BCAR1: variants seen among roughly 807,000 people sequenced by gnomAD.
BCAR1 encodes BCAR1 scaffold protein, Cas family member.
BCAR1 carries 30 observed loss-of-function variants against 67.6 expected under a neutral mutation model. The ratio of observed to expected loss-of-function variants is 0.44; its 90% CI spans 0.33 to 0.60. The LOEUF is 0.60. BCAR1 is among the 20% of genes least tolerant of loss of function. BCAR1 has a pLI of 0.02. For missense variants in BCAR1, 1,313 were observed against 1,222.3 expected (o/e 1.07, Z -1.11); for synonymous variants, 626 against 556.7 (o/e 1.12, Z -1.75).
At chr16:75,250,796 C>G (rs2077657471) in intron 1 of BCAR1, 1 of 985,566 alleles carries the variant, frequency 1.0e-6, no homozygotes, top group Non-Finnish European at 1.2e-6. Context: ...CCCTGGCCCC[C>G]TCCCGCGACA....
chr16:75,230,173 G>A lies in BCAR1; in HGVS notation c.2101-150C>T, dbSNP rs868829843. On this transcript the variant is annotated intron_variant, in intron 6 of 6. Transcript: ENST00000162330. Reference sequence around the variant, plus strand: ...AGGGAAACGGGCAGTCTCCTCTCCCGGGGACGGGACCAGGAACCATGGCAA... The same window carrying A: ...AGGGAAACGGGCAGTCTCCTCTCCCAGGGACGGGACCAGGAACCATGGCAA... 93 of 984,222 alleles carry A rather than the reference G, an allele frequency of 9.4e-5. No homozygotes were observed. In the Middle Eastern group the frequency reaches 2.9e-3, roughly 30 times the overall value. 61.0% of individuals were successfully genotyped at this position (984,222 alleles called of 1,614,324 possible). A position where few individuals can be genotyped will look rare whatever the true frequency, so the allele number is the denominator to read the frequency against.
At position 75,229,489 on chromosome 16, in the gene BCAR1, C is replaced by A; in HGVS notation, c.*22G>T. ...TGGGACCGCCGCACCCCTCCCCTGC[C>A]TCCCTCCTGGGGTCACCACCCTCAG... On this transcript the variant is annotated 3_prime_UTR_variant, in exon 7 of 7. Transcript: ENST00000162330. 6.6e-7 allele frequency: 1 copy of A among 1,517,190 alleles called. No individual in the cohort carries two copies. 94.0% of individuals were successfully genotyped at this position (1,517,190 alleles called of 1,614,324 possible). A position where few individuals can be genotyped will look rare whatever the true frequency, so the allele number is the denominator to read the frequency against.
At position 75,237,343 on chromosome 16, in the gene BCAR1, A is replaced by T; in HGVS notation, c.635T>A (p.Val212Glu). 1 of 1,458,084 alleles carries T rather than the reference A, an allele frequency of 6.9e-7. No homozygotes were observed. The highest frequency in any genetic ancestry group is 9.0e-7 in the Non-Finnish European group (1 of 1,106,422). The allele number at this position is 1,458,084 out of a possible 1,614,324, so 90.3% of individuals were successfully genotyped here. A position where few individuals can be genotyped will look rare whatever the true frequency, so the allele number is the denominator to read the frequency against. The change falls in exon 3 of 7, where the codon GTG becomes GAG. Residue 212 changes from valine (V) to glutamate (E), a missense_variant and splice_region_variant. Physicochemically the swap from Val to Glu is moderately radical, Grantham distance 121. Coordinates refer to ENST00000162330, the MANE Select transcript of BCAR1 (RefSeq NM_014567.5). The stretch of plus-strand genomic sequence containing the variant: ...CTGCCCCACGCGGGTGGGCACCACC[A>T]CCTGGGGGCAGAGAGCCGACTTCAC... ...SWEGTKPPAKVVVPTRVGQGY... is the reference protein window; with the variant it reads ...SWEGTKPPAKEVVPTRVGQGY...
chr16:75,238,363 T>G (rs931328169), intron 2 of BCAR1: 5 of 1,100,982 alleles, frequency 4.5e-6, no homozygotes, highest in Non-Finnish European at 1.1e-6. Context: ...CTTTTGTTCC[T>G]TCATCAAAGG....
chr16:75,259,955 A>C (rs1465671482), intron 1 of BCAR1, among the ~76,000 whole-genome samples: 1 of 151,570 alleles, frequency 6.6e-6, no homozygotes, highest in Non-Finnish European at 1.5e-5. Context: ...GCACTTTGGG[A>C]GGCCAAGGCG....
intron 1 of BCAR1, among the ~76,000 whole-genome samples, chr16:75,257,859 G>A (rs1277442721): frequency 6.6e-6 from 1 of 152,204 alleles, no homozygotes; most frequent in Non-Finnish European, 1.5e-5. Context: ...CCTCTGCCCT[G>A]GGAGACCCAG....
At chr16:75,255,444 A>G (rs59769904), upstream of BCAR1, among the ~76,000 whole-genome samples, 4,584 of 152,336 alleles carry the variant, frequency 0.03, 102 homozygotes, top group Middle Eastern at 0.12. Flanking sequence ...AAACCAAGGC[A>G]AGGCTGGGCA....
chr16:75,242,639 T>G lies in BCAR1; in HGVS notation c.464A>C (p.His155Pro). ...GTCTGTGGCCGGGCTGGGAAACGGG[T>G]GATGGGGTGTCTGCTTCGAGAAGGT... is the stretch of plus-strand genomic sequence containing the variant. ...TSTFSKQTPH[H>P]PFPSPATDLY... Residue 155 changes from histidine (H) to proline (P), a missense_variant, in exon 2 of 7, where the codon CAC (histidine) becomes CCC (proline). His to Pro is a moderately conservative substitution (Grantham distance 77). Around this residue, in one of 2 missense-constraint regions of BCAR1, gnomAD observed 1,272 missense variants for 1,137.5 expected, o/e 1.12. Transcript: ENST00000162330. 1.3e-6 allele frequency: 2 copies of G among 1,513,140 alleles called. No homozygotes were observed. Among genetic ancestry groups the G allele is most frequent in the Non-Finnish European group, 1.8e-6 (2 of 1,131,104 alleles). 93.7% of individuals were successfully genotyped at this position (1,513,140 alleles called of 1,614,324 possible).
chr16:75,236,885 G>C lies in BCAR1; in HGVS notation c.909C>G (p.His303Gln), dbSNP rs138060621. Residue 303 changes from histidine to glutamine, a missense_variant, in exon 4 of 7, where the codon CAC becomes CAG. This residue lies in a region of BCAR1 where 1,272 missense variants were observed against 1,137.5 expected (regional missense o/e 1.12). Coordinates refer to ENST00000162330, the MANE Select transcript of BCAR1 (RefSeq NM_014567.5). ...VEKGLPPSNH[H>Q]AVYDVPPSVS... ...CATTGCCCTGGCATTTGCTCACTGCGTGGTGGTTGGACGGTGGCAGGCCCT... is the reference window on the plus strand; with the variant it reads ...CATTGCCCTGGCATTTGCTCACTGCCTGGTGGTTGGACGGTGGCAGGCCCT... 6.2e-7 allele frequency: 1 copy of C among 1,612,444 alleles called. No homozygotes were observed. Among genetic ancestry groups the C allele is most frequent in the Non-Finnish European group, 8.5e-7 (1 of 1,179,344 alleles).
rs543739816 is a variant in BCAR1 at position 75,251,251 on chromosome 16, C to A, written c.12+220G>T. ...CCTACCGGCTGGCGGCCCCCGCGCCCGGCCCCGCCAACGCACCCGAGGCGC... is the reference window on the plus strand; with the variant it reads ...CCTACCGGCTGGCGGCCCCCGCGCCAGGCCCCGCCAACGCACCCGAGGCGC... On this transcript the variant is annotated intron_variant, in intron 1 of 6. Transcript: ENST00000162330. 1.6e-3 allele frequency among the ~76,000 whole-genome samples: 250 copies of A among 152,166 alleles called. 3 individuals are homozygous for A. The highest frequency in any genetic ancestry group is 0.016 in the Admixed American group (247 of 15,296).
At chr16:75,236,367 C>G in intron 4 of BCAR1, 1 of 339,702 alleles carries the variant, frequency 2.9e-6, no homozygotes, top group Non-Finnish European at 5.4e-6. Flanking sequence ...GATACTGCCA[C>G]TGCCACCACC....
rs111694636 is a variant in BCAR1, at chr16:75,235,846, G to A, written c.1053C>T (p.Pro351=). 12 of 1,569,796 alleles carry A rather than the reference G, an allele frequency of 7.6e-6. No homozygotes were observed. In the African/African-American group the frequency reaches 9.4e-5, roughly 12 times the overall value. ...CCTCGGCCGGCGGGGAGTCTGGAGGGGGCGCAGCCAGTACCAGTGGGGTGC... is the reference window on the plus strand; with the variant it reads ...CCTCGGCCGGCGGGGAGTCTGGAGGAGGCGCAGCCAGTACCAGTGGGGTGC... ...PARTPLVLAA[P]PPDSPPAEDV... Residue 351 remains proline (P), a synonymous_variant, in exon 5 of 7, where the codon CCC becomes CCT. Transcript: ENST00000162330.
chr16:75,263,265 GGCCAGC>G, intron 1 of BCAR1: 1 of 985,436 alleles, frequency 1.0e-6, no homozygotes, highest in African/African-American at 1.7e-5. Flanking sequence ...GGCTGGGGGT[GGCCAGC>G]ACCTGCCACC....
Position 75,229,951 on chromosome 16 carries a change from C to T in BCAR1, c.2173G>A (p.Ala725Thr), listed in dbSNP as rs778027662. 9.4e-6 allele frequency: 15 copies of T among 1,598,832 alleles called. No individual in the cohort carries two copies. The highest frequency in any genetic ancestry group is 2.7e-5 in the African/African-American group (2 of 74,748). ...IDHDLANWTP[A>T]QPLAPGRTGG... ...GTTCGCCCCGGGGCCAGGGGTTGGG[C>T]TGGCGTCCAGTTGGCCAGGTCGTGG... is the stretch of plus-strand genomic sequence containing the variant. Residue 725 changes from alanine to threonine, a missense_variant, in exon 7 of 7, where the codon GCC (alanine) becomes ACC (threonine). Around this residue, in one of 2 missense-constraint regions of BCAR1, gnomAD observed 1,272 missense variants for 1,137.5 expected, o/e 1.12. Coordinates refer to ENST00000162330, the MANE Select transcript of BCAR1 (RefSeq NM_014567.5).
In BCAR1 at chr16:75,229,489, C is replaced by T. The variant is rs1355238599; in HGVS notation, c.*22G>A. 2 of 1,517,072 alleles carry T rather than the reference C, an allele frequency of 1.3e-6. No individual in the cohort carries two copies. Among genetic ancestry groups the T allele is most frequent in the Admixed American group, 4.0e-5 (2 of 50,514 alleles). 94.0% of individuals were successfully genotyped at this position (1,517,072 alleles called of 1,614,324 possible). Reference sequence around the variant, plus strand: ...TGGGACCGCCGCACCCCTCCCCTGCCTCCCTCCTGGGGTCACCACCCTCAG... The same window carrying T: ...TGGGACCGCCGCACCCCTCCCCTGCTTCCCTCCTGGGGTCACCACCCTCAG... On this transcript the variant is annotated 3_prime_UTR_variant, in exon 7 of 7. Transcript: ENST00000162330.
intron 1 of BCAR1, among the ~76,000 whole-genome samples, chr16:75,245,680 C>T (rs541605637): frequency 2.6e-5 from 4 of 152,328 alleles, no homozygotes; most frequent in Admixed American, 1.3e-4. Context: ...TGGCACCAGG[C>T]GCCTGGCACC....
chr16:75,265,395 C>A (rs1461191165), intron 1 of BCAR1, among the ~76,000 whole-genome samples: 1 of 152,146 alleles, frequency 6.6e-6, no homozygotes, highest in Non-Finnish European at 1.5e-5. Context: ...GCCTCCCACC[C>A]CCTCATCCGG....
At position 75,243,361 on chromosome 16, in the gene BCAR1, G is replaced by C. The variant is rs1005425766; in HGVS notation, c.13-271C>G. The C allele has an allele frequency of 4.8e-6, 3 of 629,734 alleles. No homozygotes were observed. In the African/African-American group the frequency reaches 5.5e-5, roughly 11 times the overall value. The allele number at this position is 629,734 out of a possible 1,614,324, so 39.0% of individuals were successfully genotyped here. A position where few individuals can be genotyped will look rare whatever the true frequency, so the allele number is the denominator to read the frequency against. Reference sequence around the variant, plus strand: ...CTGTCACCACCAAAACTCCAGGGATGACCCTCAAGATATCCCTAAAAGCCC... The same window carrying C: ...CTGTCACCACCAAAACTCCAGGGATCACCCTCAAGATATCCCTAAAAGCCC... On this transcript the variant is annotated intron_variant, in intron 1 of 6. Transcript: ENST00000162330.
At chr16:75,251,890 T>A (rs1336560963), upstream of BCAR1, 1 of 319,104 alleles carries the variant, frequency 3.1e-6, no homozygotes. Flanking sequence ...CGTCCCCGCC[T>A]TCCACCCAGG....
Sources: gnomAD v4.1 joint callset for allele counts (sites outside exome capture counted in the v4.1 genomes callset) on GRCh38, gnomAD v4.1.1 for gene constraint, gnomAD v4.1.1 regional missense constraint, MANE v1.5 for transcripts, NCBI Gene and HGNC (gene_info 2026-07-23, HGNC 2026-07-21) for gene names.